The following CNTN5 variants were observed in gnomAD, a reference collection of about 807,000 sequenced individuals.
CNTN5 encodes contactin-5.
A neutral mutation model predicts 129.1 loss-of-function variants in CNTN5; 77 were observed. The observed-to-expected ratio is 0.60, with a 90% CI of 0.50 to 0.72. The LOEUF (loss-of-function observed/expected upper bound fraction) is 0.72. Among genes scored for constraint, CNTN5 ranks in the 30% least tolerant of loss-of-function variants. The pLI is 0.00. For synonymous variants in CNTN5, 509 were observed against 465.6 expected (o/e 1.09, Z -1.20); for missense variants, 1,478 against 1,328.8 (o/e 1.11, Z -1.75).
At chr11:99,416,397 T>C (rs1280655895) in intron 2 of CNTN5, among the ~76,000 whole-genome samples, 1 of 151,950 alleles carries the variant, frequency 6.6e-6, no homozygotes, top group Non-Finnish European at 1.5e-5. Flanking sequence ...CCTCCTGCCA[T>C]AGCCTCCCCA....
intron 13 of CNTN5, among the ~76,000 whole-genome samples, chr11:100,093,979 T>C (rs1565234077): frequency 1.3e-5 from 2 of 152,298 alleles, no homozygotes; most frequent in Admixed American, 1.3e-4. Context: ...ACTCAAATTA[T>C]GCAGGTTATT....
intron 3 of CNTN5, among the ~76,000 whole-genome samples, chr11:99,598,562 A>T (rs1341137186): frequency 3.5e-5 from 5 of 143,954 alleles, no homozygotes; most frequent in Admixed American, 7.1e-5. Flanking sequence ...CTTAAGGGAG[A>T]TTTTTGAAGT....
At chr11:99,032,280 C>G (rs1247262766) in intron 1 of CNTN5, among the ~76,000 whole-genome samples, 1 of 151,706 alleles carries the variant, frequency 6.6e-6, no homozygotes, top group Non-Finnish European at 1.5e-5. Flanking sequence ...GGGTATATAG[C>G]CAGTAATGGG....
chr11:99,773,101 G>C (rs1430238059), intron 3 of CNTN5, among the ~76,000 whole-genome samples: 2 of 152,022 alleles, frequency 1.3e-5, no homozygotes, highest in African/African-American at 4.8e-5. Context: ...TATTCAAAAA[G>C]ACCCTCTTGT....
chr11:99,582,232 G>A (rs965372098), intron 3 of CNTN5, among the ~76,000 whole-genome samples: 93 of 152,132 alleles, frequency 6.1e-4, no homozygotes, highest in Non-Finnish European at 1.2e-3. Flanking sequence ...TGGGTAACCC[G>A]ACCTTTCTCT....
chr11:99,946,097 C>T (rs1405593311), intron 7 of CNTN5, among the ~76,000 whole-genome samples: 1 of 152,096 alleles, frequency 6.6e-6, no homozygotes, highest in Non-Finnish European at 1.5e-5. Flanking sequence ...CTCTCGATCT[C>T]ATCTTTAACG....
chr11:99,652,777 A>G (rs923973596), intron 3 of CNTN5, among the ~76,000 whole-genome samples: 1 of 152,084 alleles, frequency 6.6e-6, no homozygotes, highest in Admixed American at 6.6e-5. Flanking sequence ...TTTGTGTGTT[A>G]TTAAACAACT....
intron 3 of CNTN5, among the ~76,000 whole-genome samples, chr11:99,769,530 A>G (rs1046759636): frequency 6.6e-6 from 1 of 152,110 alleles, no homozygotes; most frequent in Non-Finnish European, 1.5e-5. Context: ...AAAATTCAGT[A>G]TATGTACTTA....
chr11:100,108,246 T>A (rs369943563), intron 13 of CNTN5, among the ~76,000 whole-genome samples: 48 of 152,056 alleles, frequency 3.2e-4, no homozygotes, highest in Non-Finnish European at 5.4e-4. Context: ...TAGAATTCAG[T>A]GAGATTAGTG....
At chr11:99,889,467 T>A (rs1948999270) in intron 6 of CNTN5, among the ~76,000 whole-genome samples, 1 of 149,434 alleles carries the variant, frequency 6.7e-6, no homozygotes, top group African/African-American at 2.5e-5. Flanking sequence ...TCTGTACCAT[T>A]AAAAAAAAGT....
chr11:99,481,725 G>A (rs1945608981), intron 2 of CNTN5, among the ~76,000 whole-genome samples: 1 of 152,052 alleles, frequency 6.6e-6, no homozygotes, highest in Non-Finnish European at 1.5e-5. Context: ...CCACCTGAAT[G>A]AATACATTTG....
chr11:99,109,892 T>C (rs1242345969), intron 1 of CNTN5, among the ~76,000 whole-genome samples: 1 of 152,128 alleles, frequency 6.6e-6, no homozygotes, highest in Non-Finnish European at 1.5e-5. Flanking sequence ...CATTTCATTC[T>C]GTTTTTCCTA....
intron 2 of CNTN5, among the ~76,000 whole-genome samples, chr11:99,422,558 A>ATG (rs1314583300): frequency 8.0e-5 from 10 of 125,176 alleles, no homozygotes; most frequent in African/African-American, 2.4e-4. Flanking sequence ...ATATATATAT[A>ATG]TATCTGTATT....
chr11:100,002,846 T>G (rs545278251), intron 9 of CNTN5, among the ~76,000 whole-genome samples: 1 of 125,466 alleles, frequency 8.0e-6, no homozygotes, highest in East Asian at 2.0e-4. Flanking sequence ...AGAGTGTTGT[T>G]TTCTTTTTTT....
At chr11:100,163,280 A>G (rs1168325023) in intron 13 of CNTN5, among the ~76,000 whole-genome samples, 1 of 151,792 alleles carries the variant, frequency 6.6e-6, no homozygotes, top group Non-Finnish European at 1.5e-5. Context: ...AAATTATTAC[A>G]CTTATAATTG....
At chr11:99,246,115 T>C (rs559267933) in intron 1 of CNTN5, among the ~76,000 whole-genome samples, 12 of 152,338 alleles carry the variant, frequency 7.9e-5, no homozygotes, top group African/African-American at 2.9e-4. Context: ...ATTAATTTAC[T>C]TTATTTTACT....
intron 16 of CNTN5, among the ~76,000 whole-genome samples, chr11:100,247,202 A>C (rs1949858727): frequency 6.6e-6 from 1 of 152,170 alleles, no homozygotes; most frequent in Admixed American, 6.5e-5. Context: ...GAGGGACAGG[A>C]GTTTCATGCC....
At chr11:99,717,852 A>G (rs1943031305) in intron 3 of CNTN5, among the ~76,000 whole-genome samples, 1 of 152,122 alleles carries the variant, frequency 6.6e-6, no homozygotes, top group Non-Finnish European at 1.5e-5. Context: ...AGAATGATAC[A>G]CAATTAAAAC....
chr11:99,842,947 T>C (rs1406940269), intron 4 of CNTN5, among the ~76,000 whole-genome samples: 1 of 152,152 alleles, frequency 6.6e-6, no homozygotes, highest in African/African-American at 2.4e-5. Context: ...AAAGTGCAGC[T>C]AGGCCAGTCG....
Sources: allele counts gnomAD v4.1 joint callset (sites outside exome capture counted in the v4.1 genomes callset), GRCh38; gene constraint gnomAD v4.1.1; transcripts MANE v1.5; gene names NCBI Gene and HGNC (gene_info 2026-07-23, HGNC 2026-07-21).